Variants in GREB1L observed in about 807,000 individuals in gnomAD.
GREB1L encodes the protein GREB1 like retinoic acid receptor coactivator.
In GREB1L, 17 loss-of-function variants were observed where a neutral mutation model predicts 200.8. That is an observed-to-expected ratio of 0.08 (90% confidence interval 0.06 to 0.13). The LOEUF (loss-of-function observed/expected upper bound fraction) is 0.13, where lower values mean the gene tolerates loss of function less well. GREB1L is among the 10% of genes least tolerant of loss of function. GREB1L has a pLI of 1.00. For synonymous variants in GREB1L, 789 were observed against 893.0 expected (o/e 0.88, Z 2.08); for missense variants, 1,657 against 2,367.7 (o/e 0.70, Z 6.23).
intron 7 of GREB1L, among the ~76,000 whole-genome samples, chr18:21,410,043 G>T (rs1381338394): frequency 6.6e-6 from 1 of 152,048 alleles, no homozygotes; most frequent in East Asian, 1.9e-4. Flanking sequence ...ATTAGCATTT[G>T]GGGATTATTA....
chr18:21,495,423 CTAA>C (rs533058681), intron 19 of GREB1L, among the ~76,000 whole-genome samples: 6 of 152,178 alleles, frequency 3.9e-5, no homozygotes, highest in Non-Finnish European at 7.3e-5. Context: ...GCTTGTGTTA[CTAA>C]TGTCTGAGGT....
intron 7 of GREB1L, among the ~76,000 whole-genome samples, chr18:21,404,899 TGAG>T (rs764415194): frequency 1.6e-4 from 24 of 152,236 alleles, no homozygotes; most frequent in Non-Finnish European, 2.9e-4. Flanking sequence ...AATCACAAAT[TGAG>T]AAGAAGGTGG....
intron 1 of GREB1L, among the ~76,000 whole-genome samples, chr18:21,275,012 T>G (rs2038139707): frequency 6.6e-6 from 1 of 152,086 alleles, no homozygotes; most frequent in African/African-American, 2.4e-5. Context: ...GAGGCCGAGG[T>G]GGGCCGATCA....
intron 1 of GREB1L, among the ~76,000 whole-genome samples, chr18:21,285,574 G>A (rs2038342055): frequency 6.6e-6 from 1 of 152,100 alleles, no homozygotes; most frequent in Non-Finnish European, 1.5e-5. Flanking sequence ...AGATCCCTGG[G>A]AATATAATTG....
rs1047075700 is a variant in GREB1L, at chr18:21,508,429, G to T, written c.4573G>T (p.Gly1525Cys). The T allele has an allele frequency of 6.4e-7, 1 of 1,551,672 alleles. No homozygotes were observed. The highest frequency in any genetic ancestry group is 8.7e-7 in the Non-Finnish European group (1 of 1,146,982). The change falls in exon 27 of 33, where the codon GGT (glycine) becomes TGT (cysteine). Residue 1525 changes from glycine (G) to cysteine (C), a missense_variant. This residue lies in a region of GREB1L where 151 missense variants were observed against 309.6 expected (regional missense o/e 0.49). Coordinates refer to ENST00000424526, the MANE Select transcript of GREB1L (RefSeq NM_001142966.3). The stretch of plus-strand genomic sequence containing the variant: ...GAGCCCTATTTTCACTCCTTCCAGT[G>T]GTCGACATGAGCACGGACTCCTAAA... ...VKSPIFTPSS[G>C]RHEHGLLNLF...
rs965150428 is a variant in GREB1L, at chr18:21,310,810, T to TA, written c.-119-55210dup. 2.6e-5 allele frequency among the ~76,000 whole-genome samples: 4 copies of TA among 152,182 alleles called. No homozygotes were observed. In the East Asian group the frequency reaches 5.8e-4, roughly 22 times the overall value. ...TATACTGTTATGTTAAATACGTTGT[T>TA]AAAAAAATAGAAAAAAATTTTAAGT... is the stretch of plus-strand genomic sequence containing the variant. On this transcript the variant is annotated intron_variant, in intron 1 of 32. Transcript: ENST00000424526.
At chr18:21,467,852 G>A (rs1024562211) in intron 15 of GREB1L, among the ~76,000 whole-genome samples, 4 of 152,004 alleles carry the variant, frequency 2.6e-5, no homozygotes, top group African/African-American at 9.7e-5. Context: ...GTGAAACCCT[G>A]TCTCTACTAA....
At chr18:21,259,345 G>C (rs562199181) in intron 1 of GREB1L, among the ~76,000 whole-genome samples, 37 of 152,250 alleles carry the variant, frequency 2.4e-4, no homozygotes, top group Non-Finnish European at 4.7e-4. Context: ...TGTTTATTCA[G>C]TGGGGATAAT....
intron 21 of GREB1L, among the ~76,000 whole-genome samples, chr18:21,498,014 G>A (rs1378130290): frequency 6.6e-6 from 1 of 151,684 alleles, no homozygotes; most frequent in Non-Finnish European, 1.5e-5. Flanking sequence ...TAGAGATGAG[G>A]TTTCACCATG....
At chr18:21,262,581 G>T (rs113591874) in intron 1 of GREB1L, among the ~76,000 whole-genome samples, 19 of 152,252 alleles carry the variant, frequency 1.2e-4, no homozygotes, top group African/African-American at 4.1e-4. Flanking sequence ...AGCCCAGTTA[G>T]TTTAAGACAG....
intron 1 of GREB1L, among the ~76,000 whole-genome samples, chr18:21,280,658 A>G (rs1024231567): frequency 6.6e-6 from 1 of 151,964 alleles, no homozygotes. Flanking sequence ...GTGTTTAAAC[A>G]CTTTTTTTCT....
At chr18:21,247,359 T>G (rs1252215887) in intron 1 of GREB1L, among the ~76,000 whole-genome samples, 7 of 152,192 alleles carry the variant, frequency 4.6e-5, no homozygotes, top group Non-Finnish European at 2.9e-5. Flanking sequence ...GTCCCTACAG[T>G]AGGGACTGTA....
At position 21,495,474 on chromosome 18, in the gene GREB1L, A is replaced by C. The variant is rs551763165; in HGVS notation, c.3031-196A>C. ...CCGTTTTATCCTACTGAGATAAACT[A>C]CAGCCCTCGTTCCTTCAGAAGTGCC... On this transcript the variant is annotated intron_variant, in intron 19 of 32. Transcript: ENST00000424526. 2.6e-5 allele frequency among the ~76,000 whole-genome samples: 4 copies of C among 152,368 alleles called. No individual in the cohort carries two copies. The South Asian group carries it at 8.3e-4, about 32-fold the overall frequency.
At chr18:21,431,641 G>T (rs2033158668) in intron 7 of GREB1L, among the ~76,000 whole-genome samples, 1 of 152,158 alleles carries the variant, frequency 6.6e-6, no homozygotes, top group Non-Finnish European at 1.5e-5. Flanking sequence ...TTAGTTTACA[G>T]TGTTGTTCAA....
At chr18:21,497,820 C>T (rs1465060918) in intron 21 of GREB1L, among the ~76,000 whole-genome samples, 7 of 96,518 alleles carry the variant, frequency 7.3e-5, no homozygotes, top group Admixed American at 1.0e-4. Flanking sequence ...CACCCCCCCC[C>T]CTTTTTTTTT....
chr18:21,396,611 T>TATCTATA (rs1343687133), intron 5 of GREB1L, among the ~76,000 whole-genome samples: 2 of 152,208 alleles, frequency 1.3e-5, no homozygotes, highest in African/African-American at 2.4e-5. Flanking sequence ...TAGATATTTC[T>TATCTATA]ATCTATACTT....
At chr18:21,315,593 A>G (rs151242914) in intron 1 of GREB1L, among the ~76,000 whole-genome samples, 9 of 152,338 alleles carry the variant, frequency 5.9e-5, no homozygotes, top group South Asian at 2.1e-4. Context: ...ATGTATTTAC[A>G]TAAAAATATG....
At chr18:21,483,162 G>A (rs934926238) in intron 17 of GREB1L, among the ~76,000 whole-genome samples, 2 of 152,174 alleles carry the variant, frequency 1.3e-5, no homozygotes, top group African/African-American at 4.8e-5. Flanking sequence ...AAATAAAAAC[G>A]AGGACAGGTG....
chr18:21,413,698 A>G (rs2031328171), intron 7 of GREB1L, among the ~76,000 whole-genome samples: 1 of 152,100 alleles, frequency 6.6e-6, no homozygotes, highest in South Asian at 2.1e-4. Flanking sequence ...GAACTCATGG[A>G]TGGGAGAGAG....
Sources: gnomAD v4.1 joint callset for allele counts (sites outside exome capture counted in the v4.1 genomes callset) on GRCh38, gnomAD v4.1.1 for gene constraint, gnomAD v4.1.1 regional missense constraint, MANE v1.5 for transcripts, NCBI Gene and HGNC (gene_info 2026-07-23, HGNC 2026-07-21) for gene names.